The following ANKRD24 variants were observed in gnomAD, a reference collection of about 807,000 sequenced individuals.
ANKRD24 encodes ankyrin repeat domain-containing protein 24.
A neutral mutation model predicts 127.8 loss-of-function variants in ANKRD24; 109 were observed. That is an observed-to-expected ratio of 0.85 (90% CI 0.73 to 1.00). ANKRD24 has a LOEUF of 1.00. ANKRD24 is among the 50% of genes least tolerant of loss of function. ANKRD24 has a pLI of 0.00. For synonymous variants in ANKRD24, 743 were observed against 671.1 expected (o/e 1.11, Z -1.66); for missense variants, 1,648 against 1,570.2 (o/e 1.05, Z -0.84).
chr19:4,194,062 T>G (rs1049655351), intron 2 of ANKRD24, among the ~76,000 whole-genome samples: 134 of 152,026 alleles, frequency 8.8e-4, no homozygotes, highest in Non-Finnish European at 1.6e-3. Context: ...GTCTACACTT[T>G]TTTCTTCATA....
At position 4,182,709 on chromosome 19, in the gene ANKRD24, T is replaced by C; in HGVS notation, c.-68T>C. 2 of 1,408,696 alleles carry C rather than the reference T, an allele frequency of 1.4e-6. No individual in the cohort carries two copies. Among genetic ancestry groups the C allele is most frequent in the South Asian group, 1.6e-5 (1 of 63,480 alleles). 87.3% of individuals were successfully genotyped at this position (1,408,696 alleles called of 1,614,324 possible). A position where few individuals can be genotyped will look rare whatever the true frequency, so the allele number is the denominator to read the frequency against. ...ACGCCGCAGGCGACATGTTATCTGC[T>C]GTCAGAAGGAAGCCTGCCTCTTTGC... On this transcript the variant is annotated 5_prime_UTR_variant, in exon 1 of 22. Coordinates refer to ENST00000318934, the MANE Select transcript of ANKRD24 (RefSeq NM_001393985.1).
chr19:4,211,584 C>A (rs186475043), intron 13 of ANKRD24, among the ~76,000 whole-genome samples: 69 of 152,136 alleles, frequency 4.5e-4, no homozygotes, highest in African/African-American at 1.6e-3. Context: ...GCAGAGGTTG[C>A]AGTGAGCCAA....
At chr19:4,186,922 C>T (rs1410209792) in intron 2 of ANKRD24, among the ~76,000 whole-genome samples, 3 of 152,152 alleles carry the variant, frequency 2.0e-5, no homozygotes, top group Admixed American at 2.0e-4. Flanking sequence ...TCCTTGCCCT[C>T]GTGGAGCCGA....
At chr19:4,223,391 A>G (rs1471133203) in intron 20 of ANKRD24, among the ~76,000 whole-genome samples, 1 of 84,788 alleles carries the variant, frequency 1.2e-5, no homozygotes, top group Admixed American at 1.3e-4. Context: ...ATATATATAT[A>G]TATATATATA....
At position 4,198,721 on chromosome 19, in the gene ANKRD24, CAT is replaced by C. The variant is rs577865450; in HGVS notation, c.37-961_37-960del. 3.7e-4 allele frequency among the ~76,000 whole-genome samples: 57 copies of C among 152,106 alleles called. No individual in the cohort carries two copies. In the East Asian group the frequency reaches 4.6e-3, roughly 12 times the overall value. ...GGAATGGAAGAGACATTTGGGGAGA[CAT>C]GTGGACACGTTTTGGAAGACTCTTT... is the stretch of plus-strand genomic sequence containing the variant. On this transcript the variant is annotated intron_variant, in intron 2 of 21. Transcript: ENST00000318934. This position sits in a 1 kb window ranked among gnomAD's most constrained non-coding sequence, Gnocchi z 6.1.
chr19:4,196,892 G>T (rs1454287854), intron 2 of ANKRD24, among the ~76,000 whole-genome samples: 1 of 152,174 alleles, frequency 6.6e-6, no homozygotes, highest in Non-Finnish European at 1.5e-5. Flanking sequence ...GGAACCCAAG[G>T]CCCCTCCTCT....
intron 1 of ANKRD24, among the ~76,000 whole-genome samples, chr19:4,184,443 C>T (rs1041775707): frequency 6.6e-6 from 1 of 152,236 alleles, no homozygotes; most frequent in Non-Finnish European, 1.5e-5. Context: ...GGTACCCTGA[C>T]ACACACATGC....
Position 4,200,097 on chromosome 19 carries a change from C to T in ANKRD24, c.269C>T (p.Ala90Val), listed in dbSNP as rs1969013230. The T allele has an allele frequency of 1.3e-6, 2 of 1,597,450 alleles. No individual in the cohort carries two copies. The highest frequency in any genetic ancestry group is 1.7e-6 in the Non-Finnish European group (2 of 1,172,138). Residue 90 changes from alanine (A) to valine (V), a missense_variant, in exon 5 of 22, where the codon GCC (alanine) becomes GTC (valine). By Grantham distance (64) the Ala-to-Val change is moderately conservative (BLOSUM62 0). Coordinates refer to ENST00000318934, the MANE Select transcript of ANKRD24 (RefSeq NM_001393985.1). ...CTCACCTCCAGGTTCCACCTGGCGG[C>T]CATGCGGGGTGCGGCCAGCTGTCTG... ...PEGKSAFHLA[A>V]MRGAASCLEV...
At chr19:4,201,984 T>G (rs1339586084) in intron 5 of ANKRD24, 42 bp from the exon 6 acceptor site, 1 of 1,582,934 alleles carries the variant, frequency 6.3e-7, no homozygotes, top group African/African-American at 1.3e-5. Flanking sequence ...TGGGAGCTAC[T>G]TGAATAGCTG....
chr19:4,200,209 A>G (rs2052192), intron 5 of ANKRD24, 38 bp downstream of exon 5: 639,698 of 1,547,724 alleles, frequency 0.41, 133,956 homozygotes, highest in Non-Finnish European at 0.43. Context: ...AGGAGGAACT[A>G]AGCCCAGGTG....
rs573588641 is a variant in ANKRD24 at position 4,195,843 on chromosome 19, G to A, written c.37-3840G>A. Among the ~76,000 whole-genome samples, 22 of 152,294 alleles carry A rather than the reference G, an allele frequency of 1.4e-4. No individual in the cohort carries two copies. The highest frequency in any genetic ancestry group is 3.9e-4 in the East Asian group (2 of 5,174). ...CGGGAGGCAGAGCTTGCAGTGAGCC[G>A]AGATCGCACCACTGCACTCCAGCCT... On this transcript the variant is annotated intron_variant, in intron 2 of 21. Coordinates refer to ENST00000318934, the MANE Select transcript of ANKRD24 (RefSeq NM_001393985.1). The surrounding 1 kb of genome is among the most constrained non-coding windows in gnomAD (Gnocchi z 4.2).
chr19:4,211,751 G>T (rs73524629), intron 13 of ANKRD24, among the ~76,000 whole-genome samples: 2,563 of 152,216 alleles, frequency 0.017, 77 homozygotes, highest in African/African-American at 0.059. Flanking sequence ...CATAGTAATT[G>T]TCCAGAATGG....
chr19:4,201,051 G>T (rs1969069141), intron 5 of ANKRD24, among the ~76,000 whole-genome samples: 1 of 152,188 alleles, frequency 6.6e-6, no homozygotes, highest in African/African-American at 2.4e-5. Context: ...AGAGTTTGGG[G>T]ATATCTGAGG....
chr19:4,204,311 T>G (rs1407245611), intron 7 of ANKRD24, among the ~76,000 whole-genome samples: 1 of 152,116 alleles, frequency 6.6e-6, no homozygotes, highest in Non-Finnish European at 1.5e-5. Flanking sequence ...GAGCCCATCA[T>G]AAATCCCGGT....
rs1336077064 is a variant in ANKRD24 at position 4,218,058 on chromosome 19, G to A, written c.2898G>A (p.Glu966=). 2 of 1,559,276 alleles carry A rather than the reference G, an allele frequency of 1.3e-6. No individual in the cohort carries two copies. The highest frequency in any genetic ancestry group is 8.6e-7 in the Non-Finnish European group (1 of 1,156,642). ...RERVCSVALS[E]HERIVGTLQA... is the part of the protein sequence containing the mutation. ...GTGTGTGCAGCGTGGCGCTCTCGGA[G>A]CACGAACGCATCGTGGGCACCCTGC... Residue 966 remains glutamate, a synonymous_variant, in exon 18 of 22, where the codon GAG becomes GAA. Transcript: ENST00000318934.
In ANKRD24 at chr19:4,217,595, C is replaced by T. The variant is rs1256363643; in HGVS notation, c.2435C>T (p.Ser812Leu). The T allele has an allele frequency of 6.1e-6, 8 of 1,303,430 alleles. No homozygotes were observed. Among genetic ancestry groups the T allele is most frequent in the African/African-American group, 1.6e-5 (1 of 63,858 alleles). The allele number at this position is 1,303,430 out of a possible 1,614,324, so 80.7% of individuals were successfully genotyped here. The change falls in exon 18 of 22, where the codon TCG becomes TTG. Residue 812 changes from serine to leucine, a missense_variant. By Grantham distance (145) the Ser-to-Leu change is moderately radical. Transcript: ENST00000318934. ...DSRLRELEAA[S>L]ACLDEARASR... ...CGCCTGCGGGAGCTGGAGGCGGCCT[C>T]GGCCTGCCTGGATGAGGCTCGGGCC...
intron 2 of ANKRD24, among the ~76,000 whole-genome samples, chr19:4,191,401 C>CG (rs1338059779): frequency 6.6e-6 from 1 of 152,166 alleles, no homozygotes; most frequent in Admixed American, 6.5e-5. Context: ...GGGCACTCTC[C>CG]GGCCTTTCCT....
chr19:4,216,641 C>T lies in ANKRD24; in HGVS notation c.1481C>T (p.Ala494Val). Residue 494 changes from alanine (A) to valine (V), a missense_variant, in exon 18 of 22, where the codon GCC (alanine) becomes GTC (valine). Physicochemically the swap from Ala to Val is moderately conservative, Grantham distance 64. Coordinates refer to ENST00000318934, the MANE Select transcript of ANKRD24 (RefSeq NM_001393985.1). ...IPLALYDSLR[A>V]EFDQLRRQHA... ...CTTGCCCTCTATGACTCTCTCCGGGCCGAGTTTGACCAGCTACGCAGGCAG... is the reference window on the plus strand; with the variant it reads ...CTTGCCCTCTATGACTCTCTCCGGGTCGAGTTTGACCAGCTACGCAGGCAG... The T allele has an allele frequency of 6.2e-7, 1 of 1,606,818 alleles. No individual in the cohort carries two copies.
rs57280997 is a variant in ANKRD24, at chr19:4,182,965, TTGTG to T, written c.-37+256_-37+259del. On this transcript the variant is annotated intron_variant, in intron 1 of 21. Coordinates refer to ENST00000318934, the MANE Select transcript of ANKRD24 (RefSeq NM_001393985.1). The stretch of plus-strand genomic sequence containing the variant: ...ACGCAGAGTTACCTGAATATCTCAT[TTGTG>T]TGTGTGTGTGTGTGTGTGTGTGTGT... 5.3e-3 allele frequency among the ~76,000 whole-genome samples: 736 copies of T among 138,672 alleles called. 8 individuals carry two copies. Among genetic ancestry groups the T allele is most frequent in the African/African-American group, 0.018 (670 of 37,300 alleles). The allele number at this position is 138,672 out of a possible 152,430, so 91.0% of individuals were successfully genotyped here. A position where few individuals can be genotyped will look rare whatever the true frequency, so the allele number is the denominator to read the frequency against.
Sources: allele counts gnomAD v4.1 joint callset (sites outside exome capture counted in the v4.1 genomes callset), GRCh38; gene constraint gnomAD v4.1.1; non-coding constraint Gnocchi (gnomAD v3.1); transcripts MANE v1.5; gene names NCBI Gene and HGNC (gene_info 2026-07-23, HGNC 2026-07-21).